Variants in PTPRM observed in about 807,000 individuals in gnomAD.
The protein encoded by PTPRM is protein tyrosine phosphatase receptor type M, also known as receptor-type tyrosine-protein phosphatase mu.
Under a neutral mutation model 186.7 loss-of-function variants are expected in PTPRM, and 47 were observed. That is an observed-to-expected ratio of 0.25 (90% CI 0.20 to 0.32). The LOEUF is 0.32. PTPRM is among the 10% of genes least tolerant of loss of function. The pLI is 1.00. For missense variants in PTPRM, 1,494 were observed against 1,865.0 expected, an observed-to-expected ratio of 0.80 and a Z score of 3.66; for synonymous variants, 668 against 674.9, an observed-to-expected ratio of 0.99 and a Z score of 0.16.
rs76446240 is a variant in PTPRM at position 8,079,960 on chromosome 18, A to T, written c.1551+3396A>T. ...AAAAAACAAAACACTCTTTTAGGAA[A>T]TAAAATGGACAAAGACACTTCAAAA... On this transcript the variant is annotated intron_variant, in intron 9 of 32. Coordinates refer to ENST00000580170, the MANE Select transcript of PTPRM (RefSeq NM_001105244.2). Among the ~76,000 whole-genome samples the T allele has an allele frequency of 5.8e-3, 883 of 152,286 alleles. 12 individuals are homozygous for T. Among genetic ancestry groups the T allele is most frequent in the African/African-American group, 0.02 (827 of 41,550 alleles).
At chr18:8,296,514 T>C (rs912605422) in intron 20 of PTPRM, 59 bp downstream of exon 20, 6 of 1,274,730 alleles carry the variant, frequency 4.7e-6, no homozygotes, top group Non-Finnish European at 6.9e-6. Context: ...TCTAGTAAGA[T>C]TGACCACCAG....
intron 23 of PTPRM, among the ~76,000 whole-genome samples, chr18:8,363,377 G>A (rs562115582): frequency 1.1e-4 from 17 of 152,272 alleles, no homozygotes; most frequent in Middle Eastern, 3.4e-3. Context: ...GCACAAAGTC[G>A]TAGATCTATA....
chr18:7,881,792 G>A (rs2048522268), intron 2 of PTPRM, among the ~76,000 whole-genome samples: 1 of 152,014 alleles, frequency 6.6e-6, no homozygotes, highest in Non-Finnish European at 1.5e-5. Context: ...TCCTTTCCTT[G>A]AAGCCGGGTC....
intron 13 of PTPRM, among the ~76,000 whole-genome samples, chr18:8,137,638 CA>C (rs566162299): frequency 6.6e-6 from 1 of 152,330 alleles, no homozygotes; most frequent in African/African-American, 2.4e-5. Context: ...CAGTGAGCAA[CA>C]CCCATCCCAC....
intron 13 of PTPRM, among the ~76,000 whole-genome samples, chr18:8,127,514 A>G (rs2092401426): frequency 6.6e-6 from 1 of 151,958 alleles, no homozygotes; most frequent in African/African-American, 2.4e-5. Context: ...TAAAAAAAAT[A>G]ACATCCTTGC....
intron 14 of PTPRM, among the ~76,000 whole-genome samples, chr18:8,220,256 A>G (rs1347288454): frequency 6.6e-6 from 1 of 152,226 alleles, no homozygotes; most frequent in African/African-American, 2.4e-5. Flanking sequence ...ATGACTTCCG[A>G]ACTTTAAAGT....
chr18:7,800,958 A>G (rs2043931637), intron 2 of PTPRM, among the ~76,000 whole-genome samples: 1 of 152,170 alleles, frequency 6.6e-6, no homozygotes, highest in South Asian at 2.1e-4. Flanking sequence ...GCACAGCTGT[A>G]TAGGGCACTT....
intron 20 of PTPRM, among the ~76,000 whole-genome samples, chr18:8,298,576 A>G (rs1010708971): frequency 4.6e-5 from 7 of 152,224 alleles, no homozygotes; most frequent in Non-Finnish European, 7.3e-5. Flanking sequence ...TGAGTGAAAA[A>G]AGCTAGCATT....
chr18:8,305,598 C>T (rs551185672), intron 20 of PTPRM, among the ~76,000 whole-genome samples: 17 of 152,288 alleles, frequency 1.1e-4, no homozygotes, highest in South Asian at 6.2e-4. Flanking sequence ...GATTCTGGCT[C>T]GGGAGCCCGG....
At chr18:8,360,406 C>A (rs200522882) in intron 23 of PTPRM, among the ~76,000 whole-genome samples, 1 of 141,648 alleles carries the variant, frequency 7.1e-6, no homozygotes, top group African/African-American at 2.8e-5. Context: ...GCAAAAAAAA[C>A]CCTTCATACC....
intron 14 of PTPRM, among the ~76,000 whole-genome samples, chr18:8,225,734 C>CT (rs1342978520): frequency 4.6e-5 from 7 of 152,278 alleles, no homozygotes; most frequent in African/African-American, 1.7e-4. Flanking sequence ...AAGAGAATAT[C>CT]TTTATGACCT....
At chr18:8,375,806 T>TA (rs2095690910) in intron 24 of PTPRM, among the ~76,000 whole-genome samples, 1 of 152,232 alleles carries the variant, frequency 6.6e-6, no homozygotes, top group African/African-American at 2.4e-5. Flanking sequence ...GAATTACACC[T>TA]AAAAATTAGC....
intron 1 of PTPRM, among the ~76,000 whole-genome samples, chr18:7,735,098 A>G (rs925901782): frequency 4.6e-5 from 7 of 152,180 alleles, no homozygotes; most frequent in Non-Finnish European, 8.8e-5. Flanking sequence ...TGGAGTTTAG[A>G]TACAACTGAC....
At chr18:7,951,859 A>T (rs1034121056) in intron 6 of PTPRM, among the ~76,000 whole-genome samples, 1 of 152,166 alleles carries the variant, frequency 6.6e-6, no homozygotes, top group Admixed American at 6.5e-5. Flanking sequence ...ACACTTTTTT[A>T]TATACCATAT....
chr18:8,231,227 A>T (rs2094282151), intron 14 of PTPRM, among the ~76,000 whole-genome samples: 1 of 152,196 alleles, frequency 6.6e-6, no homozygotes, highest in African/African-American at 2.4e-5. Context: ...GGGTGGGGGT[A>T]ATCAGGCTCT....
At chr18:8,020,821 C>T (rs890810706) in intron 7 of PTPRM, among the ~76,000 whole-genome samples, 6 of 152,094 alleles carry the variant, frequency 3.9e-5, no homozygotes, top group Non-Finnish European at 5.9e-5. Context: ...TTTTGCATGT[C>T]GTTTCTGTGC....
At position 7,641,973 on chromosome 18, in the gene PTPRM, T is replaced by C. The variant is rs147209436; in HGVS notation, c.73+74082T>C. Among the ~76,000 whole-genome samples, 11 of 152,200 alleles carry C rather than the reference T, an allele frequency of 7.2e-5. No homozygotes were observed. The East Asian group carries it at 1.9e-3, about 27-fold the overall frequency. The stretch of plus-strand genomic sequence containing the variant: ...TGAGGGCTATGAGGGATGTGGAGGA[T>C]TAGTATAGGAGCACTGTCTGGTTGT... On this transcript the variant is annotated intron_variant, in intron 1 of 32. Coordinates refer to ENST00000580170, the MANE Select transcript of PTPRM (RefSeq NM_001105244.2).
chr18:7,603,703 CCTG>C lies in PTPRM; in HGVS notation c.73+35815_73+35817del, dbSNP rs1481232161. Among the ~76,000 whole-genome samples, 6 of 152,346 alleles carry C rather than the reference CCTG, an allele frequency of 3.9e-5. No homozygotes were observed. In the South Asian group the frequency reaches 1.2e-3, roughly 32 times the overall value. Reference sequence around the variant, plus strand: ...CTTTGGCTTTAAAATGGGCAAACCTCCTGCTCTCCTGGTTCAGAATTAGTGATT... The same window carrying C: ...CTTTGGCTTTAAAATGGGCAAACCTCCTCTCCTGGTTCAGAATTAGTGATT... On this transcript the variant is annotated intron_variant, in intron 1 of 32. Transcript: ENST00000580170.
intron 14 of PTPRM, among the ~76,000 whole-genome samples, chr18:8,239,024 T>C (rs544497462): frequency 1.3e-4 from 20 of 151,200 alleles, no homozygotes; most frequent in Admixed American, 2.6e-4. Flanking sequence ...CTTTAAGTTT[T>C]AGGGTACATG....
Sources: gnomAD v4.1 joint callset for allele counts (sites outside exome capture counted in the v4.1 genomes callset) on GRCh38, gnomAD v4.1.1 for gene constraint, MANE v1.5 for transcripts, NCBI Gene and HGNC (gene_info 2026-07-23, HGNC 2026-07-21) for gene names.